CAPN7: variants seen among roughly 807,000 people sequenced by gnomAD.
CAPN7 encodes the protein calpain-7.
A neutral mutation model predicts 115.2 loss-of-function variants in CAPN7; 72 were observed. The ratio of observed to expected loss-of-function variants is 0.63; its 90% CI spans 0.52 to 0.76. The LOEUF (loss-of-function observed/expected upper bound fraction) is 0.76. Among genes scored for constraint, CAPN7 ranks in the 30% least tolerant of loss-of-function variants. CAPN7 has a pLI of 0.00. For missense variants in CAPN7, 905 were observed against 971.5 expected, an observed-to-expected ratio of 0.93 and a Z score of 0.91; for synonymous variants, 344 against 322.3, an observed-to-expected ratio of 1.07 and a Z score of -0.72.
At chr3:15,241,845 C>G (rs994725099) in intron 15 of CAPN7, among the ~76,000 whole-genome samples, 1 of 151,934 alleles carries the variant, frequency 6.6e-6, no homozygotes, top group African/African-American at 2.4e-5. Flanking sequence ...GGGGGTTGAT[C>G]GTGTATAGTT....
At chr3:15,240,338 G>C in intron 12 of CAPN7, 135 bp from the exon 13 acceptor site, 1 of 825,674 alleles carries the variant, frequency 1.2e-6, no homozygotes, top group Non-Finnish European at 1.9e-6. Flanking sequence ...TGGTGAAAGT[G>C]TTAAAAATAT....
At chr3:15,234,042 G>A (rs978300843) in intron 11 of CAPN7, 69 bp downstream of exon 11, 6 of 858,688 alleles carry the variant, frequency 7.0e-6, no homozygotes, top group African/African-American at 5.1e-5. Flanking sequence ...CTGGCTGGGC[G>A]TGGTGGGTCA....
chr3:15,250,953 G>A lies in CAPN7; in HGVS notation c.2227G>A (p.Val743Ile), dbSNP rs142186569. Reference protein sequence around the residue: ...GPRQYSVGFEVVTVSTLGDPG... With the variant: ...GPRQYSVGFEIVTVSTLGDPG... Reference sequence around the variant, plus strand: ...TAGGCAATATAGCGTTGGATTTGAGGTTGTAACAGTTTCTACTCTAGGAGA... The same window carrying A: ...TAGGCAATATAGCGTTGGATTTGAGATTGTAACAGTTTCTACTCTAGGAGA... Residue 743 changes from valine to isoleucine, a missense_variant, in exon 20 of 21, where the codon GTT becomes ATT. Physicochemically the swap from Val to Ile is conservative, Grantham distance 29 (BLOSUM62 3). This residue lies in a region of CAPN7 where 620 missense variants were observed against 703.4 expected (regional missense o/e 0.88). Coordinates refer to ENST00000253693, the MANE Select transcript of CAPN7 (RefSeq NM_014296.3). The A allele has an allele frequency of 6.2e-7, 1 of 1,612,010 alleles. No homozygotes were observed. The highest frequency in any genetic ancestry group is 1.3e-5 in the African/African-American group (1 of 74,856).
At chr3:15,230,584 T>C in intron 9 of CAPN7, 49 bp downstream of exon 9, 1 of 1,070,862 alleles carries the variant, frequency 9.3e-7, no homozygotes, top group Non-Finnish European at 1.4e-6. Context: ...CTCCGTTCCC[T>C]ACCTTTGAAT....
At chr3:15,218,819 T>C (rs1693793755) in intron 4 of CAPN7, among the ~76,000 whole-genome samples, 2 of 152,230 alleles carry the variant, frequency 1.3e-5, no homozygotes, top group Non-Finnish European at 2.9e-5. Context: ...TTATGTAATA[T>C]CAGACTTTCA....
Position 15,218,502 on chromosome 3 carries a change from A to G in CAPN7, c.399A>G (p.Gln133=), listed in dbSNP as rs746086560. 5.6e-6 allele frequency: 9 copies of G among 1,613,418 alleles called. No homozygotes were observed. In the South Asian group the frequency reaches 8.8e-5, roughly 16 times the overall value. Residue 133 remains glutamine, a synonymous_variant, in exon 4 of 21, where the codon CAA becomes CAG. Coordinates refer to ENST00000253693, the MANE Select transcript of CAPN7 (RefSeq NM_014296.3). ...ATGAAACTGCTGATAAAGTCCTGCA[A>G]AATAAACTGAAACAGTTGGCTCGAC... ...TSYETADKVL[Q]NKLKQLARQA... is the part of the protein sequence containing the mutation.
chr3:15,223,392 G>A (rs1694117310), intron 5 of CAPN7, 83 bp from the exon 6 acceptor site: 4 of 845,232 alleles, frequency 4.7e-6, no homozygotes, highest in Non-Finnish European at 8.2e-6. Flanking sequence ...ATCATACCTT[G>A]TCATTTAAAT....
rs1357702123 is a variant in CAPN7 at position 15,247,360 on chromosome 3, G to A, written c.2107G>A (p.Gly703Arg). 3 of 1,609,166 alleles carry A rather than the reference G, an allele frequency of 1.9e-6. No individual in the cohort carries two copies. The highest frequency in any genetic ancestry group is 2.5e-6 in the Non-Finnish European group (3 of 1,177,542). ...NGKWSGQSAG[G>R]CGNFQETHKN... ...AAAGTGGAGTGGTCAGAGTGCTGGA[G>A]GATGTGGAAATTTCCAAGAGACTCA... is the stretch of plus-strand genomic sequence containing the variant. Residue 703 changes from glycine to arginine, a missense_variant, in exon 19 of 21, where the codon GGA becomes AGA. Physicochemically the swap from Gly to Arg is moderately radical, Grantham distance 125 (BLOSUM62 -2). Transcript: ENST00000253693.
At chr3:15,225,307 T>C (rs933558020) in intron 6 of CAPN7, among the ~76,000 whole-genome samples, 10 of 152,216 alleles carry the variant, frequency 6.6e-5, no homozygotes, top group African/African-American at 2.4e-4. Flanking sequence ...TTTAGAGATA[T>C]ACTCAAAAAT....
intron 11 of CAPN7, 83 bp downstream of exon 11, chr3:15,234,056 C>T: frequency 1.4e-6 from 1 of 737,782 alleles, no homozygotes; most frequent in Non-Finnish European, 2.3e-6. Flanking sequence ...TGGGTCATGC[C>T]TGTAATCCCA....
intron 2 of CAPN7, among the ~76,000 whole-genome samples, chr3:15,213,594 A>C (rs763189059): frequency 5.3e-5 from 8 of 152,218 alleles, no homozygotes; most frequent in Admixed American, 6.5e-5. Context: ...ATGTACACAC[A>C]GTCAAGCACA....
At chr3:15,218,325 C>T in intron 3 of CAPN7, 148 bp from the exon 4 acceptor site, 1 of 628,724 alleles carries the variant, frequency 1.6e-6, no homozygotes, top group Non-Finnish European at 2.8e-6. Context: ...TAAATGATAC[C>T]TTTAAGGATG....
At chr3:15,210,271 T>C (rs1029854005) in intron 1 of CAPN7, among the ~76,000 whole-genome samples, 1 of 151,882 alleles carries the variant, frequency 6.6e-6, no homozygotes, top group Non-Finnish European at 1.5e-5. Flanking sequence ...GTAAAAAAAA[T>C]AGCTTTTTTT....
chr3:15,208,287 A>G (rs2044743440), intron 1 of CAPN7, among the ~76,000 whole-genome samples: 1 of 140,292 alleles, frequency 7.1e-6, no homozygotes, highest in East Asian at 2.0e-4. Context: ...TGGGTGTACC[A>G]TATTTTTTTT....
At chr3:15,217,912 A>G (rs1693734855) in intron 3 of CAPN7, among the ~76,000 whole-genome samples, 1 of 152,218 alleles carries the variant, frequency 6.6e-6, no homozygotes, top group Non-Finnish European at 1.5e-5. Context: ...TTCGTGCACT[A>G]AAAAATAAGC....
Position 15,232,610 on chromosome 3 carries a change from T to C in CAPN7, c.1124T>C (p.Ile375Thr), listed in dbSNP as rs1274942649. The C allele has an allele frequency of 2.5e-6, 4 of 1,612,956 alleles. No homozygotes were observed. The highest frequency in any genetic ancestry group is 1.7e-5 in the Admixed American group (1 of 59,864). Residue 375 changes from isoleucine to threonine, a missense_variant, in exon 10 of 21, where the codon ATA (isoleucine) becomes ACA (threonine). This residue lies in a region of CAPN7 where 620 missense variants were observed against 703.4 expected (regional missense o/e 0.88). Coordinates refer to ENST00000253693, the MANE Select transcript of CAPN7 (RefSeq NM_014296.3). ...AAAAGTGAATTATGGGTTTCTCTCA[T>C]AGAAAAAGCATACATGAAAGTCATG... ...NNKSELWVSL[I>T]EKAYMKVMGG...
intron 2 of CAPN7, among the ~76,000 whole-genome samples, chr3:15,214,723 T>C (rs1478352736): frequency 1.3e-5 from 2 of 151,838 alleles, no homozygotes; most frequent in South Asian, 2.1e-4. Context: ...TCTCGAAAAA[T>C]AAAAAGTAAA....
chr3:15,232,505 TTC>T lies in CAPN7; in HGVS notation c.1033-10_1033-9del, dbSNP rs770326736. 28 of 1,590,794 alleles carry T rather than the reference TTC, an allele frequency of 1.8e-5. No individual in the cohort carries two copies. The highest frequency in any genetic ancestry group is 2.4e-5 in the Non-Finnish European group (28 of 1,171,262). ...TTTTGTGCACCTAAGAAGGTTAATG[TTC>T]TCTTTCTCCAGGTGATAATTGATGA... is the stretch of plus-strand genomic sequence containing the variant. On this transcript the variant is annotated splice_polypyrimidine_tract_variant and intron_variant, in intron 9 of 20. Coordinates refer to ENST00000253693, the MANE Select transcript of CAPN7 (RefSeq NM_014296.3).
intron 5 of CAPN7, 23 bp downstream of exon 5, chr3:15,221,004 G>T: frequency 6.3e-7 from 1 of 1,588,052 alleles, no homozygotes; most frequent in Non-Finnish European, 8.6e-7. Context: ...ACAATTAATT[G>T]TAATGAAGAA....
Sources: gnomAD v4.1 joint callset for allele counts (sites outside exome capture counted in the v4.1 genomes callset) on GRCh38, gnomAD v4.1.1 for gene constraint, gnomAD v4.1.1 regional missense constraint, MANE v1.5 for transcripts, NCBI Gene and HGNC (gene_info 2026-07-23, HGNC 2026-07-21) for gene names.